NUDT7: variants seen among roughly 807,000 people sequenced by gnomAD.
NUDT7 encodes peroxisomal coenzyme A diphosphatase NUDT7.
In NUDT7, 19 loss-of-function variants were observed where a neutral mutation model predicts 13.1. The observed-to-expected ratio is 1.45, with a 90% confidence interval of 1.01 to 2.13. NUDT7 has a LOEUF of 2.13. Among genes scored for constraint, NUDT7 ranks in the 30% most tolerant of loss-of-function variants. The pLI, the probability that NUDT7 is intolerant of heterozygous loss-of-function variation, is 0.00. For missense variants in NUDT7, 360 were observed against 291.7 expected, an observed-to-expected ratio of 1.23 and a Z score of -1.71; for synonymous variants, 132 against 109.7, an observed-to-expected ratio of 1.20 and a Z score of -1.27.
intron 2 of NUDT7, among the ~76,000 whole-genome samples, chr16:77,730,157 T>C (rs1221982935): frequency 6.6e-6 from 1 of 152,200 alleles, no homozygotes; most frequent in Non-Finnish European, 1.5e-5. Context: ...TTTATATCCA[T>C]TCAGCAATTT....
chr16:77,736,641 T>A (rs527915737), intron 3 of NUDT7: 38 of 244,760 alleles, frequency 1.6e-4, no homozygotes, highest in African/African-American at 7.3e-4. Flanking sequence ...TTTATTTTTT[T>A]TTTTATAGAG....
chr16:77,736,002 G>A lies in NUDT7; in HGVS notation c.348+16G>A. ...TCTTATTGATGTAAGGGTTTCCTGA[G>A]ACACTCATGAGCACCGTCCCCACCC... is the stretch of plus-strand genomic sequence containing the variant. On this transcript the variant is annotated intron_variant, in intron 3 of 3. Coordinates refer to ENST00000268533, the MANE Select transcript of NUDT7 (RefSeq NM_001105663.3). 1 of 1,613,094 alleles carries A rather than the reference G, an allele frequency of 6.2e-7. No individual in the cohort carries two copies. The highest frequency in any genetic ancestry group is 1.3e-5 in the African/African-American group (1 of 74,986).
In NUDT7 at chr16:77,722,578, G is replaced by T. The variant is rs367595051; in HGVS notation, c.-5G>T. 1.6e-5 allele frequency: 26 copies of T among 1,589,370 alleles called. No individual in the cohort carries two copies. The highest frequency in any genetic ancestry group is 2.2e-5 in the Non-Finnish European group (26 of 1,167,308). On this transcript the variant is annotated 5_prime_UTR_variant, in exon 1 of 4. The change creates a new upstream start codon in the 5' untranslated region. Coordinates refer to ENST00000268533, the MANE Select transcript of NUDT7 (RefSeq NM_001105663.3). ...TCCGCCCGGAAACAAACATTCCCCA[G>T]GGCAATGTCACGACTTGGTCTTCCC...
intron 3 of NUDT7, 111 bp from the exon 4 acceptor site, chr16:77,741,471 T>C: frequency 2.6e-6 from 3 of 1,144,198 alleles, no homozygotes; most frequent in Non-Finnish European, 3.7e-6. Flanking sequence ...TTTCTTCCCC[T>C]TCTCCCAGGT....
In NUDT7 at chr16:77,722,717, C is replaced by A. The variant is rs976598155; in HGVS notation, c.35+100C>A. On this transcript the variant is annotated intron_variant, in intron 1 of 3. Transcript: ENST00000268533. ...CTTTTGGCCGGGACTGATTTTGCAG[C>A]TCCCGCCAGTCCACCTGCGAGCGCC... 30 of 1,096,130 alleles carry A rather than the reference C, an allele frequency of 2.7e-5. No individual in the cohort carries two copies. In the African/African-American group the frequency reaches 4.0e-4, roughly 15 times the overall value. 67.9% of individuals were successfully genotyped at this position (1,096,130 alleles called of 1,614,324 possible).
At position 77,725,458 on chromosome 16, in the gene NUDT7, C is replaced by G; in HGVS notation, c.63C>G (p.Ala21=). The change falls in exon 2 of 4, where the codon GCC becomes GCG. Residue 21 remains alanine (A), a synonymous_variant. Transcript: ENST00000268533. ...VRNSLLDDAK[A]RLRKYDIGGK... ...ACAGTTTGCTAGATGATGCTAAGGC[C>G]CGCTTAAGAAAGTATGATATTGGAG... 6.2e-7 allele frequency: 1 copy of G among 1,612,810 alleles called. No individual in the cohort carries two copies. The highest frequency in any genetic ancestry group is 8.5e-7 in the Non-Finnish European group (1 of 1,179,334).
rs2014100622 is a variant in NUDT7 at position 77,725,447 on chromosome 16, G to A, written c.52G>A (p.Asp18Asn). Residue 18 changes from aspartate (D) to asparagine (N), a missense_variant, in exon 2 of 4, where the codon GAT becomes AAT. Transcript: ENST00000268533. ...TTATTTTAGAAACAGTTTGCTAGATGATGCTAAGGCCCGCTTAAGAAAGTA... is the reference window on the plus strand; with the variant it reads ...TTATTTTAGAAACAGTTTGCTAGATAATGCTAAGGCCCGCTTAAGAAAGTA... ...EEPVRNSLLDDAKARLRKYDI... is the reference protein window; with the variant it reads ...EEPVRNSLLDNAKARLRKYDI... 5.0e-6 allele frequency: 8 copies of A among 1,610,496 alleles called. No individual in the cohort carries two copies. The highest frequency in any genetic ancestry group is 5.1e-6 in the Non-Finnish European group (6 of 1,178,146).
intron 2 of NUDT7, among the ~76,000 whole-genome samples, chr16:77,730,658 C>G (rs2014290903): frequency 6.6e-6 from 1 of 152,030 alleles, no homozygotes; most frequent in Non-Finnish European, 1.5e-5. Flanking sequence ...TATGGCAATT[C>G]TGTTTTTAAT....
At chr16:77,727,569 A>G (rs1414468862) in intron 2 of NUDT7, among the ~76,000 whole-genome samples, 1 of 152,222 alleles carries the variant, frequency 6.6e-6, no homozygotes, top group African/African-American at 2.4e-5. Context: ...AAATTATCAG[A>G]TATGGCCGTG....
intron 2 of NUDT7, among the ~76,000 whole-genome samples, chr16:77,734,571 C>T (rs903157098): frequency 1.4e-4 from 22 of 152,004 alleles, no homozygotes; most frequent in African/African-American, 4.8e-4. Context: ...TGCAGTGAGC[C>T]GAGTTCGCAC....
intron 3 of NUDT7, among the ~76,000 whole-genome samples, chr16:77,741,227 T>G (rs796875913): frequency 6.6e-6 from 1 of 152,158 alleles, no homozygotes; most frequent in African/African-American, 2.4e-5. Context: ...ATTCTTCAGG[T>G]TTATACTTGT....
chr16:77,733,302 C>T (rs886504060), intron 2 of NUDT7, among the ~76,000 whole-genome samples: 2 of 152,162 alleles, frequency 1.3e-5, no homozygotes, highest in Non-Finnish European at 2.9e-5. Flanking sequence ...ATCAAGCTGC[C>T]AGAAGATTTG....
intron 3 of NUDT7, among the ~76,000 whole-genome samples, chr16:77,741,125 C>T (rs1597120955): frequency 6.6e-6 from 1 of 152,044 alleles, no homozygotes; most frequent in Admixed American, 6.6e-5. Context: ...ACATAGTATC[C>T]TCTTTTATGG....
chr16:77,741,614 A>T lies in NUDT7; in HGVS notation c.381A>T (p.Leu127Phe), dbSNP rs749851298. 2 of 1,612,444 alleles carry T rather than the reference A, an allele frequency of 1.2e-6. No individual in the cohort carries two copies. Among genetic ancestry groups the T allele is most frequent in the Non-Finnish European group, 1.7e-6 (2 of 1,179,576 alleles). ...CATTGATAACTCCATTTGTGGGTTT[A>T]ATAGACCACAACTTCCAGGCCCAGC... ...TDTLITPFVG[L>F]IDHNFQAQPN... Residue 127 changes from leucine (L) to phenylalanine (F), a missense_variant, in exon 4 of 4, where the codon TTA (leucine) becomes TTT (phenylalanine). Leu to Phe is a conservative substitution (Grantham distance 22, BLOSUM62 0). Transcript: ENST00000268533.
intron 2 of NUDT7, among the ~76,000 whole-genome samples, chr16:77,730,764 A>G (rs1016158345): frequency 6.6e-6 from 1 of 151,836 alleles, no homozygotes; most frequent in Non-Finnish European, 1.5e-5. Flanking sequence ...CATATCCTCA[A>G]CAACACTTAC....
At position 77,741,898 on chromosome 16, in the gene NUDT7, C is replaced by A; in HGVS notation, c.665C>A (p.Ser222Tyr). ...VQFNLNDVLA[S>Y]SEELFLKVHK... ...TTTAATCTTAATGATGTATTAGCAT[C>A]CTCTGAAGAGTTATTCCTGAAGGTT... is the stretch of plus-strand genomic sequence containing the variant. Residue 222 changes from serine (S) to tyrosine (Y), a missense_variant, in exon 4 of 4, where the codon TCC becomes TAC. Physicochemically the swap from Ser to Tyr is moderately radical, Grantham distance 144. Transcript: ENST00000268533. 6.2e-7 allele frequency: 1 copy of A among 1,613,270 alleles called. No homozygotes were observed. The highest frequency in any genetic ancestry group is 8.5e-7 in the Non-Finnish European group (1 of 1,179,790).
At chr16:77,722,729 C>T in intron 1 of NUDT7, 112 bp downstream of exon 1, 1 of 988,606 alleles carries the variant, frequency 1.0e-6, no homozygotes, top group South Asian at 1.4e-5. Context: ...CCCGCCAGTC[C>T]ACCTGCGAGC....
intron 1 of NUDT7, among the ~76,000 whole-genome samples, chr16:77,723,658 C>G (rs2145098669): frequency 6.9e-6 from 1 of 144,794 alleles, no homozygotes; most frequent in South Asian, 2.2e-4. Context: ...AGTAGGCAAT[C>G]TCGGCTCACT....
intron 3 of NUDT7, among the ~76,000 whole-genome samples, chr16:77,738,570 T>C (rs2014561757): frequency 6.6e-6 from 1 of 152,184 alleles, no homozygotes; most frequent in Non-Finnish European, 1.5e-5. Context: ...AATTTGGTAA[T>C]GTCTGGAGAT....
Sources: allele counts gnomAD v4.1 joint callset (sites outside exome capture counted in the v4.1 genomes callset), GRCh38; gene constraint gnomAD v4.1.1; transcripts MANE v1.5; gene names NCBI Gene and HGNC (gene_info 2026-07-23, HGNC 2026-07-21).